The following KLHL1 variants were observed in gnomAD, a reference collection of about 807,000 sequenced individuals.
KLHL1 encodes the protein kelch like family member 1, also known as kelch-like protein 1.
KLHL1 carries 47 observed loss-of-function variants against 77.7 expected under a neutral mutation model. The observed-to-expected ratio is 0.60, with a 90% CI of 0.48 to 0.77. The LOEUF (loss-of-function observed/expected upper bound fraction) is 0.77, where lower values mean the gene tolerates loss of function less well. Among genes scored for constraint, KLHL1 ranks in the 30% least tolerant of loss-of-function variants. The pLI is 0.00. For missense variants in KLHL1, 925 were observed against 910.8 expected, an observed-to-expected ratio of 1.02 and a Z score of -0.20; for synonymous variants, 360 against 325.2, an observed-to-expected ratio of 1.11 and a Z score of -1.15.
intron 6 of KLHL1, among the ~76,000 whole-genome samples, chr13:69,811,473 A>G (rs1877877566): frequency 6.6e-6 from 1 of 152,112 alleles, no homozygotes; most frequent in African/African-American, 2.4e-5. Flanking sequence ...TTGAAGGAAT[A>G]TATCTCAAAA....
At chr13:69,939,378 T>TATATACATACAC (rs1200160699) in intron 4 of KLHL1, among the ~76,000 whole-genome samples, 1 of 70,822 alleles carries the variant, frequency 1.4e-5, no homozygotes, top group African/African-American at 6.4e-5. Flanking sequence ...TATATATATA[T>TATATACATACAC]ACACACACAC....
At chr13:69,945,176 G>T (rs78745799) in intron 3 of KLHL1, among the ~76,000 whole-genome samples, 19,377 of 151,140 alleles carry the variant, frequency 0.13, 1,931 homozygotes, top group East Asian at 0.29. Context: ...TAGAACAGAC[G>T]GGGTTTCACC....
At chr13:69,795,661 C>A (rs1877070546) in intron 7 of KLHL1, among the ~76,000 whole-genome samples, 1 of 152,006 alleles carries the variant, frequency 6.6e-6, no homozygotes, top group Non-Finnish European at 1.5e-5. Flanking sequence ...ACTTAAAAAC[C>A]CTGAATTGGT....
chr13:69,951,715 A>T (rs1481069362), intron 3 of KLHL1, among the ~76,000 whole-genome samples: 1 of 151,434 alleles, frequency 6.6e-6, no homozygotes, highest in Non-Finnish European at 1.5e-5. Context: ...TTTCCAAAAT[A>T]TGCTTCATAT....
At chr13:69,945,270 G>C (rs73212550) in intron 3 of KLHL1, among the ~76,000 whole-genome samples, 3,225 of 151,750 alleles carry the variant, frequency 0.021, 46 homozygotes, top group Non-Finnish European at 0.032. Flanking sequence ...ACTGCACCCG[G>C]CAGCTATAAA....
chr13:70,086,593 AGAAAG>A lies in KLHL1; in HGVS notation c.497+20605_497+20609del, dbSNP rs1156457396. 1.0e-3 allele frequency among the ~76,000 whole-genome samples: 55 copies of A among 52,510 alleles called. 1 individual carries two copies. Among genetic ancestry groups the A allele is most frequent in the African/African-American group, 3.1e-3 (45 of 14,314 alleles). The allele number at this position is 52,510 out of a possible 152,430, so 34.4% of individuals were successfully genotyped here. ...GTCTCAAAAAAAAAAAAAAAAAAAA[AGAAAG>A]AAAGAAAGAAAGAAAGAAAGAAAGA... On this transcript the variant is annotated intron_variant, in intron 1 of 10. Transcript: ENST00000377844.
At chr13:69,996,331 G>A (rs1460927509) in intron 1 of KLHL1, among the ~76,000 whole-genome samples, 4 of 151,714 alleles carry the variant, frequency 2.6e-5, no homozygotes, top group Admixed American at 1.3e-4. Context: ...ATTTAAAAAA[G>A]CCTTGAAATA....
At chr13:69,869,587 A>G (rs1393642448) in intron 5 of KLHL1, among the ~76,000 whole-genome samples, 1 of 152,094 alleles carries the variant, frequency 6.6e-6, no homozygotes, top group African/African-American at 2.4e-5. Context: ...TTTAACTCCA[A>G]TGGAAAAGTG....
chr13:69,885,017 TGCAA>T lies in KLHL1; in HGVS notation c.1015-2526_1015-2523del, dbSNP rs1881155545. Among the ~76,000 whole-genome samples, 2 of 133,688 alleles carry T rather than the reference TGCAA, an allele frequency of 1.5e-5. 1 individual carries two copies. Among genetic ancestry groups the T allele is most frequent in the African/African-American group, 6.9e-5 (2 of 28,934 alleles). 87.7% of individuals were successfully genotyped at this position (133,688 alleles called of 152,430 possible). A position where few individuals can be genotyped will look rare whatever the true frequency, so the allele number is the denominator to read the frequency against. ...CTGCAGTGGCGCAATCTCGGCTCAC[TGCAA>T]GCTCCGCTTCCCGGGTTCACGCCAT... is the stretch of plus-strand genomic sequence containing the variant. On this transcript the variant is annotated intron_variant, in intron 4 of 10. Coordinates refer to ENST00000377844, the MANE Select transcript of KLHL1 (RefSeq NM_020866.3).
chr13:69,954,163 A>G (rs1004268207), intron 3 of KLHL1, among the ~76,000 whole-genome samples: 1 of 151,310 alleles, frequency 6.6e-6, no homozygotes, highest in African/African-American at 2.4e-5. Flanking sequence ...GATCAGAATG[A>G]ACACTGGGCT....
chr13:70,091,169 T>C (rs555322205), intron 1 of KLHL1, among the ~76,000 whole-genome samples: 2 of 152,182 alleles, frequency 1.3e-5, no homozygotes, highest in African/African-American at 4.8e-5. Flanking sequence ...GCTTCAGCTT[T>C]TTTCCTCTAT....
intron 1 of KLHL1, among the ~76,000 whole-genome samples, chr13:70,039,900 C>A (rs1886334014): frequency 6.6e-6 from 1 of 151,996 alleles, no homozygotes; most frequent in Non-Finnish European, 1.5e-5. Context: ...CTGGGCCTCC[C>A]AAACTGCTTG....
rs61965352 is a variant in KLHL1 at position 69,847,929 on chromosome 13, T to C, written c.1228-8767A>G. Among the ~76,000 whole-genome samples the C allele has an allele frequency of 9.2e-3, 1,393 of 151,682 alleles. 12 individuals are homozygous for C. Among genetic ancestry groups the C allele is most frequent in the Admixed American group, 0.012 (181 of 15,142 alleles). ...TTTTTATTTCAATGTCTTATAAATA[T>C]ATCTAATACAAATAAAATAATTTCA... On this transcript the variant is annotated intron_variant, in intron 5 of 10. Coordinates refer to ENST00000377844, the MANE Select transcript of KLHL1 (RefSeq NM_020866.3).
intron 4 of KLHL1, among the ~76,000 whole-genome samples, chr13:69,932,366 A>G (rs1883030060): frequency 6.6e-6 from 1 of 151,558 alleles, no homozygotes; most frequent in Admixed American, 6.6e-5. Context: ...GTGCTTTATA[A>G]GTTGAAACGA....
chr13:69,746,312 T>A lies in KLHL1; in HGVS notation c.1640-5756A>T, dbSNP rs185104152. On this transcript the variant is annotated intron_variant, in intron 7 of 10. Coordinates refer to ENST00000377844, the MANE Select transcript of KLHL1 (RefSeq NM_020866.3). Reference sequence around the variant, plus strand: ...TTTTAGTTCTCTATTTTGGCTTACTTCAATGACATTATATGGATACATATT... The same window carrying A: ...TTTTAGTTCTCTATTTTGGCTTACTACAATGACATTATATGGATACATATT... Among the ~76,000 whole-genome samples the A allele has an allele frequency of 5.3e-5, 8 of 151,906 alleles. No individual in the cohort carries two copies. The East Asian group carries it at 1.5e-3, about 29-fold the overall frequency.
At chr13:69,999,353 A>G (rs1885231332) in intron 1 of KLHL1, among the ~76,000 whole-genome samples, 1 of 152,008 alleles carries the variant, frequency 6.6e-6, no homozygotes, top group Non-Finnish European at 1.5e-5. Context: ...GAAGATCCCA[A>G]TGACTTGTTG....
intron 1 of KLHL1, among the ~76,000 whole-genome samples, chr13:69,985,104 T>C (rs935897130): frequency 1.3e-5 from 2 of 151,474 alleles, no homozygotes; most frequent in Non-Finnish European, 2.9e-5. Context: ...AGAGCGAGAC[T>C]CTGTCTCAAA....
intron 1 of KLHL1, among the ~76,000 whole-genome samples, chr13:70,097,850 T>G (rs2137450355): frequency 6.6e-6 from 1 of 151,092 alleles, no homozygotes; most frequent in Non-Finnish European, 1.5e-5. Context: ...ATTCAGAGAA[T>G]TAGTTTAAAG....
intron 1 of KLHL1, among the ~76,000 whole-genome samples, chr13:70,049,066 C>T (rs936982899): frequency 6.6e-6 from 1 of 152,048 alleles, no homozygotes; most frequent in African/African-American, 2.4e-5. Flanking sequence ...ATCTTTAGTA[C>T]TAATAATAAA....
Sources: gnomAD v4.1 joint callset for allele counts (sites outside exome capture counted in the v4.1 genomes callset) on GRCh38, gnomAD v4.1.1 for gene constraint, MANE v1.5 for transcripts, NCBI Gene and HGNC (gene_info 2026-07-23, HGNC 2026-07-21) for gene names.